The following ZSWIM5 variants were observed in gnomAD, a reference collection of about 807,000 sequenced individuals.
ZSWIM5 encodes zinc finger SWIM domain-containing protein 5.
ZSWIM5 carries 55 observed loss-of-function variants against 119.6 expected under a neutral mutation model. That is an observed-to-expected ratio of 0.46 (90% CI 0.37 to 0.58). ZSWIM5 has a LOEUF of 0.58. Ranked by LOEUF, ZSWIM5 falls within the 20% of genes least tolerant of loss-of-function variation. The pLI is 0.00. For missense variants in ZSWIM5, 1,193 were observed against 1,512.8 expected, an observed-to-expected ratio of 0.79 and a Z score of 3.51; for synonymous variants, 537 against 606.9, an observed-to-expected ratio of 0.88 and a Z score of 1.69.
chr1:45,126,365 A>G (rs1262869121), intron 1 of ZSWIM5, among the ~76,000 whole-genome samples: 1 of 152,178 alleles, frequency 6.6e-6, no homozygotes, highest in African/African-American at 2.4e-5. Context: ...CCAGCCCTGC[A>G]GACTTCAAAA....
At chr1:45,144,514 C>A (rs1452676460) in intron 1 of ZSWIM5, among the ~76,000 whole-genome samples, 1 of 152,088 alleles carries the variant, frequency 6.6e-6, no homozygotes, top group Non-Finnish European at 1.5e-5. Flanking sequence ...CTAGGCTGGA[C>A]AACAGCGTGA....
In ZSWIM5 at chr1:45,060,100, T is replaced by C; in HGVS notation, c.1100A>G (p.Lys367Arg). 1 of 1,614,150 alleles carries C rather than the reference T, an allele frequency of 6.2e-7. No homozygotes were observed. Among genetic ancestry groups the C allele is most frequent in the Non-Finnish European group, 8.5e-7 (1 of 1,180,010 alleles). The stretch of plus-strand genomic sequence containing the variant: ...GAAAAACACCTTTTCATATCTTACC[T>C]TGGCAAACATTGAGTTGAGTTGCTT... Reference protein sequence around the residue: ...SGKQLNSMFAKVREMLRMRDS... With the variant: ...SGKQLNSMFARVREMLRMRDS... The change falls in exon 3 of 14, where the codon AAG becomes AGG. Residue 367 changes from lysine to arginine, a missense_variant and splice_region_variant. Transcript: ENST00000359600.
chr1:45,143,272 C>A (rs981252980), intron 1 of ZSWIM5, among the ~76,000 whole-genome samples: 5 of 151,746 alleles, frequency 3.3e-5, no homozygotes, highest in Admixed American at 6.6e-5. Context: ...CATACCAAGT[C>A]CAGAAACATA....
In ZSWIM5 at chr1:45,206,448, T is replaced by C; in HGVS notation, c.-98A>G. 7 of 1,225,466 alleles carry C rather than the reference T, an allele frequency of 5.7e-6. No individual in the cohort carries two copies. Among genetic ancestry groups the C allele is most frequent in the Non-Finnish European group, 7.1e-6 (7 of 984,310 alleles). 75.9% of individuals were successfully genotyped at this position (1,225,466 alleles called of 1,614,324 possible). ...CGCGCCCCGCGCAAGCGCCCAGCGG[T>C]GGCGCCGAGGGGGGCGGGGCGAGAG... On this transcript the variant is annotated 5_prime_UTR_variant, in exon 1 of 14. Coordinates refer to ENST00000359600, the MANE Select transcript of ZSWIM5 (RefSeq NM_020883.2).
At chr1:45,024,341 G>T (rs180926712) in intron 11 of ZSWIM5, among the ~76,000 whole-genome samples, 1 of 151,358 alleles carries the variant, frequency 6.6e-6, no homozygotes, top group Non-Finnish European at 1.5e-5. Context: ...ACAGGCGTGC[G>T]CCACCACTCC....
At chr1:45,064,594 A>G (rs892967183) in intron 2 of ZSWIM5, among the ~76,000 whole-genome samples, 1 of 152,216 alleles carries the variant, frequency 6.6e-6, no homozygotes, top group African/African-American at 2.4e-5. Flanking sequence ...GGCACTTTTT[A>G]TACATATACC....
chr1:45,031,267 C>T (rs1052963981), intron 11 of ZSWIM5, among the ~76,000 whole-genome samples: 4 of 145,308 alleles, frequency 2.8e-5, no homozygotes, highest in Admixed American at 7.1e-5. Context: ...GCCTCCACCT[C>T]CTGTGTTCAG....
At chr1:45,048,948 C>T (rs964513131) in intron 5 of ZSWIM5, among the ~76,000 whole-genome samples, 2 of 152,126 alleles carry the variant, frequency 1.3e-5, no homozygotes, top group Non-Finnish European at 2.9e-5. Context: ...TGACGAAACC[C>T]TGTCTCTACA....
chr1:45,036,777 A>G (rs1290261918), intron 8 of ZSWIM5, among the ~76,000 whole-genome samples: 3 of 152,104 alleles, frequency 2.0e-5, no homozygotes, highest in African/African-American at 7.2e-5. Context: ...ACACAGAGCC[A>G]CAAAGATTCA....
Position 45,041,829 on chromosome 1 carries a change from C to T in ZSWIM5, c.1610-1291G>A, listed in dbSNP as rs74463777. Among the ~76,000 whole-genome samples the T allele has an allele frequency of 6.8e-3, 1,038 of 152,302 alleles. 10 individuals are homozygous for T. The highest frequency in any genetic ancestry group is 0.022 in the African/African-American group (926 of 41,568). The stretch of plus-strand genomic sequence containing the variant: ...CTGGGATTACAGGCGTGAGCCACTG[C>T]GCCCAGCCTAGTAAGTTTTTACTAA... On this transcript the variant is annotated intron_variant, in intron 6 of 13. Coordinates refer to ENST00000359600, the MANE Select transcript of ZSWIM5 (RefSeq NM_020883.2).
chr1:45,109,382 T>C (rs888104298), intron 1 of ZSWIM5, among the ~76,000 whole-genome samples: 2 of 152,196 alleles, frequency 1.3e-5, no homozygotes, highest in African/African-American at 4.8e-5. Flanking sequence ...AGCATCTCCT[T>C]GTGTTCTTAT....
chr1:45,059,980 T>G, intron 3 of ZSWIM5, 119 bp downstream of exon 3: 4 of 1,268,360 alleles, frequency 3.2e-6, no homozygotes, highest in Non-Finnish European at 4.4e-6. Flanking sequence ...TTTCAAGTAT[T>G]CAGTTCAGCT....
At chr1:45,103,541 T>A (rs879383385) in intron 1 of ZSWIM5, among the ~76,000 whole-genome samples, 15 of 152,230 alleles carry the variant, frequency 9.9e-5, no homozygotes, top group African/African-American at 2.7e-4. Context: ...GAAGTTTAAA[T>A]TTGTATACAA....
chr1:45,096,535 A>AACACACACAC (rs370564289), intron 1 of ZSWIM5, among the ~76,000 whole-genome samples: 75 of 140,518 alleles, frequency 5.3e-4, no homozygotes, highest in African/African-American at 1.9e-3. Context: ...TGGCCCTATC[A>AACACACACAC]ACACACACAC....
chr1:45,200,608 G>A (rs1646152828), intron 1 of ZSWIM5, among the ~76,000 whole-genome samples: 1 of 151,940 alleles, frequency 6.6e-6, no homozygotes, highest in Non-Finnish European at 1.5e-5. Flanking sequence ...ATTCATATAT[G>A]TATACCATGA....
At chr1:45,189,320 A>AAATAATAAT (rs578114661) in intron 1 of ZSWIM5, among the ~76,000 whole-genome samples, 3 of 151,500 alleles carry the variant, frequency 2.0e-5, no homozygotes, top group African/African-American at 7.3e-5. Flanking sequence ...GTCTCAAAGA[A>AAATAATAAT]AATAATAATA....
intron 11 of ZSWIM5, among the ~76,000 whole-genome samples, chr1:45,029,522 C>T (rs1376361143): frequency 6.6e-6 from 1 of 152,006 alleles, no homozygotes; most frequent in Admixed American, 6.6e-5. Context: ...GGCCAGGTTT[C>T]GATTGTAAAG....
At chr1:45,070,057 A>T in intron 2 of ZSWIM5, 2 of 861,306 alleles carry the variant, frequency 2.3e-6, no homozygotes, top group Non-Finnish European at 4.0e-6. Flanking sequence ...ACACACACGA[A>T]TCCAATGACT....
intron 2 of ZSWIM5, among the ~76,000 whole-genome samples, chr1:45,079,432 C>A (rs879887794): frequency 6.6e-6 from 1 of 152,102 alleles, no homozygotes; most frequent in African/African-American, 2.4e-5. Context: ...CGAGGAGTAC[C>A]GCCAGACTAC....
Sources: gnomAD v4.1 joint callset for allele counts (sites outside exome capture counted in the v4.1 genomes callset) on GRCh38, gnomAD v4.1.1 for gene constraint, MANE v1.5 for transcripts, NCBI Gene and HGNC (gene_info 2026-07-23, HGNC 2026-07-21) for gene names.